The following AFG2A variants were observed in gnomAD, a reference collection of about 807,000 sequenced individuals.
AFG2A encodes the protein ATPase family gene 2 protein homolog A.
chr4:122,942,314 T>C, the AFG2A span, among the ~76,000 whole-genome samples: 1 of 150,120 alleles, frequency 6.7e-6, no homozygotes, highest in Admixed American at 6.6e-5. Flanking sequence ...TTTCAGATCC[T>C]GTTATTGGTC....
the AFG2A span, among the ~76,000 whole-genome samples, chr4:122,943,642 G>A: frequency 6.6e-6 from 1 of 152,040 alleles, no homozygotes; most frequent in Admixed American, 6.6e-5. Context: ...TACATTTAAA[G>A]TTAATATCGT....
the AFG2A span, among the ~76,000 whole-genome samples, chr4:123,002,282 T>C: frequency 1.3e-5 from 2 of 152,162 alleles, no homozygotes; most frequent in South Asian, 4.1e-4. Context: ...TGTCTTTTAA[T>C]TGGAGCATTT....
the AFG2A span, among the ~76,000 whole-genome samples, chr4:123,003,326 AG>A: frequency 6.6e-6 from 1 of 152,206 alleles, no homozygotes; most frequent in African/African-American, 2.4e-5. Context: ...TTCTCCGTCC[AG>A]CTTTGTTCTG....
At chr4:123,056,322 C>G in the AFG2A span, 1 of 1,454,830 alleles carries the variant, frequency 6.9e-7, no homozygotes, top group Non-Finnish European at 9.3e-7. Context: ...TTTTCTACTT[C>G]ATTGGAAGAA....
the AFG2A span, chr4:123,057,303 AT>A: frequency 6.2e-7 from 1 of 1,603,040 alleles, no homozygotes; most frequent in South Asian, 1.1e-5. Flanking sequence ...GAAGTATTTA[AT>A]AGCACTGCTA....
At chr4:122,982,724 T>C in the AFG2A span, among the ~76,000 whole-genome samples, 216 of 152,244 alleles carry the variant, frequency 1.4e-3, 4 homozygotes, top group East Asian at 0.033. Context: ...TGTATGTTTC[T>C]GGGAATTTCT....
the AFG2A span, among the ~76,000 whole-genome samples, chr4:122,927,412 C>T: frequency 6.4e-3 from 977 of 152,248 alleles, 14 homozygotes; most frequent in African/African-American, 0.022. Context: ...CATAAAACAT[C>T]TTCTTTTTAG....
the AFG2A span, among the ~76,000 whole-genome samples, chr4:123,305,612 A>G: frequency 1.1e-4 from 16 of 152,082 alleles, no homozygotes; most frequent in Non-Finnish European, 2.2e-4. Flanking sequence ...TACCCAGAAT[A>G]GGGCCCAACG....
At chr4:123,033,303 C>G in the AFG2A span, among the ~76,000 whole-genome samples, 1 of 152,032 alleles carries the variant, frequency 6.6e-6, no homozygotes, top group Non-Finnish European at 1.5e-5. Flanking sequence ...AGAGTCTGAG[C>G]TCTTAACCAC....
At chr4:123,302,207 T>C in the AFG2A span, among the ~76,000 whole-genome samples, 1 of 152,182 alleles carries the variant, frequency 6.6e-6, no homozygotes, top group African/African-American at 2.4e-5. Flanking sequence ...TTGAAGTTTT[T>C]CAGGAACTTT....
chr4:123,036,918 T>G, the AFG2A span, among the ~76,000 whole-genome samples: 1 of 152,136 alleles, frequency 6.6e-6, no homozygotes, highest in Non-Finnish European at 1.5e-5. Flanking sequence ...GCCTTCTGTA[T>G]GTGCTGATAC....
chr4:123,076,561 G>GT, the AFG2A span, among the ~76,000 whole-genome samples: 9 of 139,532 alleles, frequency 6.5e-5, no homozygotes, highest in Admixed American at 3.0e-4. Flanking sequence ...ATTTTTATTT[G>GT]TTTTTTTTAG....
the AFG2A span, among the ~76,000 whole-genome samples, chr4:123,100,704 C>G: frequency 6.6e-6 from 1 of 151,832 alleles, no homozygotes; most frequent in African/African-American, 2.4e-5. Flanking sequence ...ATAAAGTCAT[C>G]AGGAACAACA....
the AFG2A span, among the ~76,000 whole-genome samples, chr4:123,290,556 T>A: frequency 2.0e-5 from 3 of 152,120 alleles, no homozygotes. Flanking sequence ...GACTGGGCAA[T>A]TTACAAAAGA....
the AFG2A span, among the ~76,000 whole-genome samples, chr4:123,222,532 A>G: frequency 5.2e-3 from 792 of 152,328 alleles, 7 homozygotes; most frequent in African/African-American, 0.018. Flanking sequence ...TAGTTATGTT[A>G]TGGTAAGAAC....
At chr4:122,924,285 T>A in the AFG2A span, among the ~76,000 whole-genome samples, 1 of 152,184 alleles carries the variant, frequency 6.6e-6, no homozygotes, top group Non-Finnish European at 1.5e-5. Context: ...CGTCTCTCTA[T>A]CCATTGCCAA....
the AFG2A span, among the ~76,000 whole-genome samples, chr4:123,018,986 CA>C: frequency 1.5e-4 from 22 of 150,004 alleles, no homozygotes; most frequent in East Asian, 7.8e-4. Flanking sequence ...GTGATCAGAA[CA>C]AAAAAAAATG....
the AFG2A span, among the ~76,000 whole-genome samples, chr4:122,997,887 A>G: frequency 6.6e-6 from 1 of 152,246 alleles, no homozygotes; most frequent in African/African-American, 2.4e-5. Context: ...CATTTCCTAA[A>G]TGACTAATGA....
the AFG2A span, among the ~76,000 whole-genome samples, chr4:123,190,677 T>C: frequency 0.098 from 14,870 of 152,154 alleles, 2,122 homozygotes; most frequent in African/African-American, 0.31. Context: ...CAGAAGGAGA[T>C]TAGGTGCTAC....
Sources: gnomAD v4.1 joint callset for allele counts (sites outside exome capture counted in the v4.1 genomes callset) on GRCh38, gnomAD v4.1.1 for gene constraint, MANE v1.5 for transcripts, NCBI Gene and HGNC (gene_info 2026-07-23, HGNC 2026-07-21) for gene names.